Variants in PTPRB observed in about 807,000 individuals in gnomAD.
PTPRB encodes receptor-type tyrosine-protein phosphatase beta.
In PTPRB, 97 loss-of-function variants were observed where a neutral mutation model predicts 238.1. That is an observed-to-expected ratio of 0.41 (90% confidence interval 0.35 to 0.48). The LOEUF (loss-of-function observed/expected upper bound fraction) is 0.48, where lower values mean the gene tolerates loss of function less well. PTPRB is among the 20% of genes least tolerant of loss of function. The probability of loss-of-function intolerance (pLI) is 0.30; values close to 1 mark genes in which losing one functional copy is unlikely to be tolerated. For missense variants in PTPRB, 2,292 were observed against 2,681.9 expected (o/e 0.85, Z 3.21); for synonymous variants, 970 against 995.4 (o/e 0.97, Z 0.48).
intron 3 of PTPRB, among the ~76,000 whole-genome samples, chr12:70,610,722 A>G (rs771738146): frequency 2.0e-5 from 3 of 152,134 alleles, no homozygotes; most frequent in Admixed American, 1.3e-4. Flanking sequence ...TTATGTAAAT[A>G]GCGCTAACGA....
At chr12:70,549,268 A>C (rs1358251314) in intron 21 of PTPRB, among the ~76,000 whole-genome samples, 1 of 152,236 alleles carries the variant, frequency 6.6e-6, no homozygotes, top group Non-Finnish European at 1.5e-5. Context: ...CTATAGCAGA[A>C]AGTTAGAGAT....
Position 70,622,533 on chromosome 12 carries a change from T to C in PTPRB, c.565A>G (p.Thr189Ala). 6.2e-7 allele frequency: 1 copy of C among 1,611,878 alleles called. No homozygotes were observed. Among genetic ancestry groups the C allele is most frequent in the Non-Finnish European group, 8.5e-7 (1 of 1,178,800 alleles). Reference sequence around the variant, plus strand: ...GCAGCATTTCTGATGAAGGCCTCTGTGGTATTCCTAATAAGGAATACCAGG... The same window carrying C: ...GCAGCATTTCTGATGAAGGCCTCTGCGGTATTCCTAATAAGGAATACCAGG... ...DGLVFLIRNTTEAFIRNAAEN... is the reference protein window; with the variant it reads ...DGLVFLIRNTAEAFIRNAAEN... The change falls in exon 3 of 34, where the codon ACA becomes GCA. Residue 189 changes from threonine to alanine, a missense_variant. Coordinates refer to ENST00000334414, the MANE Select transcript of PTPRB (RefSeq NM_001109754.4).
In PTPRB at chr12:70,622,565, G is replaced by C. The variant is rs1291493977; in HGVS notation, c.533C>G (p.Pro178Arg). 1 of 1,601,390 alleles carries C rather than the reference G, an allele frequency of 6.2e-7. No individual in the cohort carries two copies. Among genetic ancestry groups the C allele is most frequent in the Non-Finnish European group, 8.5e-7 (1 of 1,173,360 alleles). The change falls in exon 3 of 34, where the codon CCA becomes CGA. Residue 178 changes from proline to arginine, a missense_variant. Transcript: ENST00000334414. ...PQILTTFNAV[P>R]DGLVFLIRNT... Reference sequence around the variant, plus strand: ...CCTAATAAGGAATACCAGGCCATCTGGAACTGCATTAAAGGTAGTGAGAAT... The same window carrying C: ...CCTAATAAGGAATACCAGGCCATCTCGAACTGCATTAAAGGTAGTGAGAAT...
intron 2 of PTPRB, among the ~76,000 whole-genome samples, chr12:70,628,427 A>G (rs975628009): frequency 3.9e-5 from 6 of 152,166 alleles, no homozygotes; most frequent in Non-Finnish European, 8.8e-5. Context: ...GGAGTTCTGC[A>G]CCCTTCACCT....
In PTPRB at chr12:70,609,092, T is replaced by G. The variant is rs753938080; in HGVS notation, c.956A>C (p.Glu319Ala). The G allele has an allele frequency of 1.4e-5, 22 of 1,613,938 alleles. No individual in the cohort carries two copies. The highest frequency in any genetic ancestry group is 1.9e-5 in the Non-Finnish European group (22 of 1,179,904). Residue 319 changes from glutamate (E) to alanine (A), a missense_variant, in exon 4 of 34, where the codon GAG becomes GCG. Physicochemically the swap from Glu to Ala is moderately radical, Grantham distance 107. Transcript: ENST00000334414. ...YNFRIISLDE[E>A]RTVVLQTDPL... Reference sequence around the variant, plus strand: ...ACCTGTTTGCAAGACCACTGTTCTCTCTTCATCCAGAGAAATAATCCTGAA... The same window carrying G: ...ACCTGTTTGCAAGACCACTGTTCTCGCTTCATCCAGAGAAATAATCCTGAA...
chr12:70,595,583 G>T (rs1882942890), intron 5 of PTPRB, among the ~76,000 whole-genome samples: 1 of 152,186 alleles, frequency 6.6e-6, no homozygotes, highest in Admixed American at 6.5e-5. Context: ...TGGGTGCACA[G>T]ATGCCTTATT....
chr12:70,542,754 G>A (rs2136265547), intron 22 of PTPRB: 1 of 151,378 alleles, frequency 6.6e-6, no homozygotes, highest in African/African-American at 2.4e-5. Flanking sequence ...AGGCGTGGTG[G>A]CGGGCGCCTG....
At chr12:70,534,448 T>A (rs756917711) in intron 31 of PTPRB, 40 bp downstream of exon 31, 2 of 1,599,862 alleles carry the variant, frequency 1.3e-6, no homozygotes, top group South Asian at 1.1e-5. Flanking sequence ...CACAACCCCC[T>A]TATGGCTGCC....
intron 13 of PTPRB, 90 bp from the exon 14 acceptor site, chr12:70,570,028 G>C: frequency 8.1e-7 from 1 of 1,233,624 alleles, no homozygotes; most frequent in Admixed American, 2.1e-5. Flanking sequence ...TGATGTTTTG[G>C]CACCCACTGA....
At chr12:70,561,964 T>C (rs944229243) in intron 16 of PTPRB, among the ~76,000 whole-genome samples, 4 of 152,114 alleles carry the variant, frequency 2.6e-5, no homozygotes, top group African/African-American at 4.8e-5. Context: ...TATTGTCAAA[T>C]GAGAAAAAAG....
intron 15 of PTPRB, 102 bp downstream of exon 15, chr12:70,566,333 A>C: frequency 7.2e-7 from 1 of 1,379,876 alleles, no homozygotes. Context: ...CAAGAGATAG[A>C]TATCATCTCC....
chr12:70,542,992 A>AT (rs1302683014), intron 22 of PTPRB: 4 of 151,836 alleles, frequency 2.6e-5, no homozygotes, highest in African/African-American at 9.7e-5. Flanking sequence ...TTTATATGCT[A>AT]TTCAGCCCTT....
chr12:70,593,788 A>G (rs1445762491), intron 6 of PTPRB, among the ~76,000 whole-genome samples: 1 of 152,150 alleles, frequency 6.6e-6, no homozygotes, highest in Non-Finnish European at 1.5e-5. Context: ...AAATTAGATA[A>G]CTTACCAAGA....
At chr12:70,621,345 G>T (rs1884919201) in intron 3 of PTPRB, among the ~76,000 whole-genome samples, 1 of 152,148 alleles carries the variant, frequency 6.6e-6, no homozygotes, top group Admixed American at 6.5e-5. Flanking sequence ...CAAATTTAGA[G>T]TTCACATTAT....
intron 11 of PTPRB, 87 bp from the exon 12 acceptor site, chr12:70,572,174 G>A (rs1241689497): frequency 1.5e-6 from 2 of 1,326,704 alleles, no homozygotes; most frequent in Non-Finnish European, 2.1e-6. Flanking sequence ...AATAAAAAGA[G>A]AGAGTAGATT....
chr12:70,562,303 T>G (rs1270837818), intron 16 of PTPRB, among the ~76,000 whole-genome samples: 10 of 150,642 alleles, frequency 6.6e-5, no homozygotes, highest in African/African-American at 2.2e-4. Flanking sequence ...CATTTTTTTT[T>G]GAACAGGAGA....
At position 70,521,499 on chromosome 12, in the gene PTPRB, G is replaced by C; in HGVS notation, c.6638C>G (p.Ser2213Ter). 1 of 1,546,420 alleles carries C rather than the reference G, an allele frequency of 6.5e-7. No individual in the cohort carries two copies. Among genetic ancestry groups the C allele is most frequent in the Non-Finnish European group, 8.7e-7 (1 of 1,145,848 alleles). The change falls in exon 34 of 34, where the codon TCA (serine) becomes TGA (stop). Residue 2213 changes from serine to a stop codon, truncating the protein, a stop_gained. Coordinates refer to ENST00000334414, the MANE Select transcript of PTPRB (RefSeq NM_001109754.4). LOFTEE classifies it high-confidence loss of function. ...TCTTCAGGTACATTCTCAATGCCTTGAATAGACTGGATCTGAAAGGAAGAA... is the reference window on the plus strand; with the variant it reads ...TCTTCAGGTACATTCTCAATGCCTTCAATAGACTGGATCTGAAAGGAAGAA... Reference protein sequence around the residue: ...NPEYHRDPVYSRH With the variant: ...NPEYHRDPVY
At chr12:70,530,205 A>ATAAT (rs1872992030) in intron 32 of PTPRB, among the ~76,000 whole-genome samples, 1 of 152,182 alleles carries the variant, frequency 6.6e-6, no homozygotes, top group African/African-American at 2.4e-5. Flanking sequence ...ATTTTTTGAG[A>ATAAT]TAATTAGGGA....
At chr12:70,579,210 G>C (rs1029328109) in intron 10 of PTPRB, among the ~76,000 whole-genome samples, 58 of 152,198 alleles carry the variant, frequency 3.8e-4, no homozygotes, top group African/African-American at 1.4e-3. Context: ...CTGACACCCA[G>C]GGTAGGAGTG....
Sources: gnomAD v4.1 joint callset for allele counts (sites outside exome capture counted in the v4.1 genomes callset) on GRCh38, gnomAD v4.1.1 for gene constraint, MANE v1.5 for transcripts, NCBI Gene and HGNC (gene_info 2026-07-23, HGNC 2026-07-21) for gene names.